Variants in ZNF141 observed in about 807,000 individuals in gnomAD.
ZNF141 encodes zinc finger protein 141 (clone pHZ-44).
ZNF141 carries 7 observed loss-of-function variants against 11.3 expected under a neutral mutation model. That is an observed-to-expected ratio of 0.62 (90% CI 0.35 to 1.16). The LOEUF is 1.16. ZNF141 is among the 50% of genes most tolerant of loss of function. The pLI is 0.02. For missense variants in ZNF141, 535 were observed against 554.0 expected (o/e 0.97, Z 0.34); for synonymous variants, 183 against 190.7 (o/e 0.96, Z 0.33).
At position 375,634 on chromosome 4, in the gene ZNF141, TGAAAA is replaced by T. The variant is rs782790244; in HGVS notation, c.*1776_*1780del. Among the ~76,000 whole-genome samples, 10 of 152,036 alleles carry T rather than the reference TGAAAA, an allele frequency of 6.6e-5. No homozygotes were observed. The highest frequency in any genetic ancestry group is 1.3e-4 in the Admixed American group (2 of 15,270). ...TTAGAGAATTTCTTTGTATATAAGT[TGAAAA>T]GAAGATTTTTGAAGAGATACTACAT... On this transcript the variant is annotated 3_prime_UTR_variant, in exon 4 of 4. Coordinates refer to ENST00000240499, the MANE Select transcript of ZNF141 (RefSeq NM_003441.4).
rs999574808 is a variant in ZNF141 at position 380,368 on chromosome 4, T to C, written c.*6506T>C. Among the ~76,000 whole-genome samples, 6 of 152,084 alleles carry C rather than the reference T, an allele frequency of 3.9e-5. No individual in the cohort carries two copies. Among genetic ancestry groups the C allele is most frequent in the Non-Finnish European group, 2.9e-5 (2 of 68,016 alleles). On this transcript the variant is annotated 3_prime_UTR_variant, in exon 4 of 4. Transcript: ENST00000240499. ...CTGTATATGTGTTAATAAATTTTAT[T>C]TTCGGCCAGGCGTGGTGGCTCACAC... is the stretch of plus-strand genomic sequence containing the variant.
chr4:381,946 C>CTTTTTT lies in ZNF141; in HGVS notation c.*8098_*8103dup, dbSNP rs34905613. ...CTAGGGCCACCACCATCTCTGGGAA[C>CTTTTTT]TTTTTTTTTTTTTTTTTTTGAGACG... On this transcript the variant is annotated 3_prime_UTR_variant, in exon 4 of 4. Coordinates refer to ENST00000240499, the MANE Select transcript of ZNF141 (RefSeq NM_003441.4). 4.2e-3 allele frequency among the ~76,000 whole-genome samples: 448 copies of CTTTTTT among 105,920 alleles called. 19 individuals carry two copies. Among genetic ancestry groups the CTTTTTT allele is most frequent in the Non-Finnish European group, 5.8e-3 (321 of 55,010 alleles). The allele number at this position is 105,920 out of a possible 152,430, so 69.5% of individuals were successfully genotyped here.
intron 3 of ZNF141, among the ~76,000 whole-genome samples, chr4:368,927 G>T (rs1418913679): frequency 6.6e-6 from 1 of 152,164 alleles, no homozygotes; most frequent in Non-Finnish European, 1.5e-5. Context: ...ATTTGACAGG[G>T]ATTGCATTTA....
At chr4:372,580 A>G in intron 3 of ZNF141, 84 bp from the exon 4 acceptor site, 1 of 1,231,846 alleles carries the variant, frequency 8.1e-7, no homozygotes, top group South Asian at 2.0e-5. Flanking sequence ...TTACTAATGT[A>G]TTTTGAATAA....
At chr4:356,891 T>C (rs1375917178) in intron 3 of ZNF141, among the ~76,000 whole-genome samples, 1 of 140,160 alleles carries the variant, frequency 7.1e-6, no homozygotes, top group Admixed American at 7.0e-5. Context: ...CATCTACTAG[T>C]TTTTTTTTTG....
chr4:368,156 T>A (rs1254664905), intron 3 of ZNF141, among the ~76,000 whole-genome samples: 3 of 152,230 alleles, frequency 2.0e-5, no homozygotes, highest in African/African-American at 7.2e-5. Context: ...TATTTTGTGT[T>A]ACACAGTGCC....
intron 3 of ZNF141, among the ~76,000 whole-genome samples, chr4:352,569 G>A (rs978109995): frequency 3.9e-5 from 6 of 152,158 alleles, no homozygotes; most frequent in Non-Finnish European, 8.8e-5. Context: ...TGTAGAGTTT[G>A]TGAATTTGTG....
chr4:369,760 ATATATTTTT>A (rs1359742494), intron 3 of ZNF141, among the ~76,000 whole-genome samples: 5 of 34,092 alleles, frequency 1.5e-4, no homozygotes, highest in African/African-American at 4.0e-4. Flanking sequence ...ATATATATAT[ATATATTTTT>A]TTTTTTTTTT....
At chr4:354,496 G>A (rs1409704985) in intron 3 of ZNF141, among the ~76,000 whole-genome samples, 1 of 152,092 alleles carries the variant, frequency 6.6e-6, no homozygotes, top group Non-Finnish European at 1.5e-5. Flanking sequence ...CTTTGATTTA[G>A]AAAACTTTTA....
In ZNF141 at chr4:374,901, T is replaced by G. The variant is rs567973438; in HGVS notation, c.*1039T>G. 8 of 152,322 alleles carry G rather than the reference T, an allele frequency of 5.3e-5. No individual in the cohort carries two copies. The highest frequency in any genetic ancestry group is 1.9e-4 in the African/African-American group (8 of 41,532). The allele number at this position is 152,322 out of a possible 1,614,324, so 9.4% of individuals were successfully genotyped here. A position where few individuals can be genotyped will look rare whatever the true frequency, so the allele number is the denominator to read the frequency against. On this transcript the variant is annotated 3_prime_UTR_variant, in exon 4 of 4. Transcript: ENST00000240499. The stretch of plus-strand genomic sequence containing the variant: ...GCTTGCAACCACACTCAATCTATTC[T>G]AAATATAAGAGAAATGATATTGGTG...
intron 3 of ZNF141, among the ~76,000 whole-genome samples, chr4:368,789 G>A (rs1711877749): frequency 6.6e-6 from 1 of 151,910 alleles, no homozygotes; most frequent in African/African-American, 2.4e-5. Context: ...TATGTTTTTT[G>A]AAATCAAGAA....
chr4:362,287 T>A (rs782192471), intron 3 of ZNF141, among the ~76,000 whole-genome samples: 2 of 152,316 alleles, frequency 1.3e-5, no homozygotes, highest in African/African-American at 4.8e-5. Context: ...AGCCCTTTGT[T>A]GGATGGGTAG....
At chr4:362,416 C>T (rs990100149) in intron 3 of ZNF141, among the ~76,000 whole-genome samples, 10 of 152,162 alleles carry the variant, frequency 6.6e-5, no homozygotes, top group South Asian at 4.1e-4. Context: ...GCTTTTCTTG[C>T]CATTGCTTTT....
rs143188492 is a variant in ZNF141 at position 365,738 on chromosome 4, C to A, written c.227-6926C>A. On this transcript the variant is annotated intron_variant, in intron 3 of 3. Transcript: ENST00000240499. The stretch of plus-strand genomic sequence containing the variant: ...GCTCTGTAATATGTGGTAAAGCATT[C>A]CTCTATGTTTATCCAAATAGCTTTA... Among the ~76,000 whole-genome samples, 533 of 152,286 alleles carry A rather than the reference C, an allele frequency of 3.5e-3. 7 individuals are homozygous for A. The highest frequency in any genetic ancestry group is 0.012 in the African/African-American group (507 of 41,572).
At position 379,438 on chromosome 4, in the gene ZNF141, G is replaced by A. The variant is rs1404654535; in HGVS notation, c.*5576G>A. On this transcript the variant is annotated 3_prime_UTR_variant, in exon 4 of 4. Coordinates refer to ENST00000240499, the MANE Select transcript of ZNF141 (RefSeq NM_003441.4). ...TCGCCAGGCTGGAGTACAGTGGTGC[G>A]ATCTCAGCTCACTGCAACCTCCGCC... 6.6e-6 allele frequency among the ~76,000 whole-genome samples: 1 copy of A among 151,922 alleles called. No individual in the cohort carries two copies. The highest frequency in any genetic ancestry group is 1.5e-5 in the Non-Finnish European group (1 of 67,966).
intron 1 of ZNF141, chr4:338,686 A>G (rs1490030684): frequency 2.6e-5 from 4 of 153,214 alleles, no homozygotes; most frequent in Non-Finnish European, 4.4e-5. Flanking sequence ...GTGTTCAGAA[A>G]TGAAGACGGG....
At position 380,473 on chromosome 4, in the gene ZNF141, G is replaced by A. The variant is rs975806980; in HGVS notation, c.*6611G>A. On this transcript the variant is annotated 3_prime_UTR_variant, in exon 4 of 4. Coordinates refer to ENST00000240499, the MANE Select transcript of ZNF141 (RefSeq NM_003441.4). ...TTGAGACCAGTCTGGCCAACATGGT[G>A]AAACCCCGTCTCTACTACAAATATA... Among the ~76,000 whole-genome samples, 5 of 152,058 alleles carry A rather than the reference G, an allele frequency of 3.3e-5. No individual in the cohort carries two copies. Among genetic ancestry groups the A allele is most frequent in the South Asian group, 2.1e-4 (1 of 4,814 alleles).
intron 3 of ZNF141, among the ~76,000 whole-genome samples, chr4:357,238 G>A (rs1721884192): frequency 6.6e-6 from 1 of 152,090 alleles, no homozygotes; most frequent in African/African-American, 2.4e-5. Context: ...ACAGGCATGA[G>A]CCATCAGGCC....
intron 1 of ZNF141, among the ~76,000 whole-genome samples, 182 bp from the exon 2 acceptor site, chr4:343,600 A>C (rs991924675): frequency 2.0e-5 from 3 of 151,694 alleles, no homozygotes; most frequent in Non-Finnish European, 2.9e-5. Context: ...TGGCGGGCAC[A>C]TGTAGTCCCA....
Sources: gnomAD v4.1 joint callset for allele counts (sites outside exome capture counted in the v4.1 genomes callset) on GRCh38, gnomAD v4.1.1 for gene constraint, MANE v1.5 for transcripts, NCBI Gene and HGNC (gene_info 2026-07-23, HGNC 2026-07-21) for gene names.